PPP2R3C: variants seen among roughly 807,000 people sequenced by gnomAD.
PPP2R3C encodes the protein protein phosphatase 2 regulatory subunit B''gamma.
Under a neutral mutation model 63.7 loss-of-function variants are expected in PPP2R3C, and 47 were observed. The observed-to-expected ratio is 0.74, with a 90% CI of 0.58 to 0.94. PPP2R3C has a LOEUF of 0.94. PPP2R3C is among the 40% of genes least tolerant of loss of function. The pLI is 0.00. For missense variants in PPP2R3C, 421 were observed against 518.4 expected (o/e 0.81, Z 1.82); for synonymous variants, 180 against 177.4 (o/e 1.01, Z -0.12).
At chr14:35,115,066 T>G (rs8018116) in intron 2 of PPP2R3C, among the ~76,000 whole-genome samples, 15,965 of 151,530 alleles carry the variant, frequency 0.11, 1,059 homozygotes, top group African/African-American at 0.19. Context: ...ACTGCTGAGC[T>G]TAAGAGATTC....
intron 1 of PPP2R3C, among the ~76,000 whole-genome samples, chr14:35,120,715 G>C (rs1173317060): frequency 6.6e-6 from 1 of 152,128 alleles, no homozygotes; most frequent in African/African-American, 2.4e-5. Flanking sequence ...GGGAGGTGGA[G>C]GTAGGAAGAC....
chr14:35,117,776 C>A lies in PPP2R3C; in HGVS notation c.59-1039G>T, dbSNP rs184973698. ...ATGGTACGATCTCGGGTCACGGCAA[C>A]CTCCGCCTCCCAGGTTCAAGGGATT... On this transcript the variant is annotated intron_variant, in intron 1 of 12. Transcript: ENST00000261475. Among the ~76,000 whole-genome samples, 331 of 152,070 alleles carry A rather than the reference C, an allele frequency of 2.2e-3. 1 individual carries two copies. Among genetic ancestry groups the A allele is most frequent in the Non-Finnish European group, 2.7e-3 (181 of 68,000 alleles).
chr14:35,097,803 G>A (rs1343287514), intron 7 of PPP2R3C, among the ~76,000 whole-genome samples: 1 of 151,680 alleles, frequency 6.6e-6, no homozygotes, highest in Non-Finnish European at 1.5e-5. Flanking sequence ...TTTTTGTACA[G>A]AAGAGGTCTG....
chr14:35,119,887 G>A (rs1016656208), intron 1 of PPP2R3C, among the ~76,000 whole-genome samples: 3 of 126,466 alleles, frequency 2.4e-5, no homozygotes, highest in Non-Finnish European at 4.7e-5. Flanking sequence ...GTCTCGCTCT[G>A]TCGCCCAGGC....
chr14:35,113,550 A>G (rs1159885904), intron 2 of PPP2R3C, among the ~76,000 whole-genome samples: 1 of 152,126 alleles, frequency 6.6e-6, no homozygotes, highest in Non-Finnish European at 1.5e-5. Flanking sequence ...CAGAGTAGGA[A>G]TGGGGGCTTG....
upstream of PPP2R3C, chr14:35,122,265 A>G: frequency 2.5e-6 from 1 of 392,984 alleles, no homozygotes; most frequent in Non-Finnish European, 4.8e-6. Flanking sequence ...GTTTTCCTTT[A>G]TCGTGTGCCT....
chr14:35,100,708 C>T (rs2046158878), intron 6 of PPP2R3C: 1 of 152,228 alleles, frequency 6.6e-6, no homozygotes, highest in African/African-American at 2.4e-5. Context: ...TCTCGGCTCA[C>T]TGAAACCTCT....
chr14:35,087,912 T>C, intron 12 of PPP2R3C, 39 bp downstream of exon 12: 1 of 1,455,710 alleles, frequency 6.9e-7, no homozygotes, highest in Non-Finnish European at 9.6e-7. Context: ...GACTATCTCA[T>C]AATTATCTGG....
intron 1 of PPP2R3C, among the ~76,000 whole-genome samples, chr14:35,118,823 T>C (rs1295646566): frequency 6.6e-6 from 1 of 151,752 alleles, no homozygotes; most frequent in African/African-American, 2.4e-5. Flanking sequence ...CCGGCTAAAT[T>C]TTGTATTTTT....
intron 2 of PPP2R3C, among the ~76,000 whole-genome samples, chr14:35,114,187 TAC>T (rs1169968812): frequency 6.6e-6 from 1 of 152,168 alleles, no homozygotes; most frequent in African/African-American, 2.4e-5. Context: ...TTTAAAAAAA[TAC>T]ACAGATACCC....
chr14:35,110,456 C>A (rs1024907270), intron 3 of PPP2R3C, 69 bp downstream of exon 3: 1 of 1,071,620 alleles, frequency 9.3e-7, no homozygotes, highest in African/African-American at 1.6e-5. Flanking sequence ...ACCAAGAAAT[C>A]CTGCATGATT....
At chr14:35,122,126 T>C, upstream of PPP2R3C, 3 of 625,472 alleles carry the variant, frequency 4.8e-6, no homozygotes, top group Non-Finnish European at 5.7e-6. Context: ...ACAATTACTG[T>C]CACTGCCGCG....
intron 12 of PPP2R3C, 115 bp from the exon 13 acceptor site, chr14:35,085,893 G>GGCT (rs2045577253): frequency 3.9e-6 from 3 of 772,504 alleles, no homozygotes; most frequent in Non-Finnish European, 5.8e-6. Flanking sequence ...TAAAATTGAG[G>GGCT]GCTGCCACTT....
At chr14:35,092,531 A>G (rs1445020885) in intron 10 of PPP2R3C, among the ~76,000 whole-genome samples, 1 of 152,058 alleles carries the variant, frequency 6.6e-6, no homozygotes, top group African/African-American at 2.4e-5. Context: ...CAATGGCGCG[A>G]TCCTGGCTCA....
In PPP2R3C at chr14:35,085,771, A is replaced by G. The variant is rs1285487735; in HGVS notation, c.1181T>C (p.Ile394Thr). ...PVSFQDVKDE[I>T]FDMVKPKDPL... ...ATCCTTTGGTTTTACCATGTCAAAG[A>G]TTTCATCCTGCAAGAGAAAAAAAAA... The change falls in exon 13 of 13, where the codon ATC becomes ACC. Residue 394 changes from isoleucine to threonine, a missense_variant. Ile to Thr is a moderately conservative substitution (Grantham distance 89, BLOSUM62 -1). Around this residue, in one of 3 missense-constraint regions of PPP2R3C, gnomAD observed 231 missense variants for 264.8 expected, o/e 0.87. Transcript: ENST00000261475. 3 of 1,599,538 alleles carry G rather than the reference A, an allele frequency of 1.9e-6. No individual in the cohort carries two copies. The highest frequency in any genetic ancestry group is 2.6e-6 in the Non-Finnish European group (3 of 1,172,590).
At chr14:35,104,100 T>C (rs553970623) in intron 6 of PPP2R3C, among the ~76,000 whole-genome samples, 5 of 152,308 alleles carry the variant, frequency 3.3e-5, no homozygotes, top group South Asian at 2.1e-4. Context: ...TTTTTATAAA[T>C]CAATATTGCT....
At chr14:35,096,308 C>G (rs2045997957) in intron 9 of PPP2R3C, among the ~76,000 whole-genome samples, 1 of 152,176 alleles carries the variant, frequency 6.6e-6, no homozygotes, top group Non-Finnish European at 1.5e-5. Context: ...GAGCCGTGAT[C>G]ATGTCACTGC....
intron 6 of PPP2R3C, among the ~76,000 whole-genome samples, chr14:35,107,067 TG>T (rs2046387192): frequency 6.6e-6 from 1 of 152,224 alleles, no homozygotes; most frequent in Non-Finnish European, 1.5e-5. Context: ...ATTGTAATTT[TG>T]TTTATTTTAA....
At chr14:35,110,101 A>G in intron 3 of PPP2R3C, 170 bp from the exon 4 acceptor site, 1 of 551,456 alleles carries the variant, frequency 1.8e-6, no homozygotes. Flanking sequence ...AATAACATTT[A>G]TTGAGTGCCT....
Sources: allele counts gnomAD v4.1 joint callset (sites outside exome capture counted in the v4.1 genomes callset), GRCh38; gene constraint gnomAD v4.1.1; regional missense constraint gnomAD v4.1.1; transcripts MANE v1.5; gene names NCBI Gene and HGNC (gene_info 2026-07-23, HGNC 2026-07-21).